Variants in IFT81 observed in about 807,000 individuals in gnomAD.
The protein encoded by IFT81 is intraflagellar transport 81.
Under a neutral mutation model 102.6 loss-of-function variants are expected in IFT81, and 72 were observed. The ratio of observed to expected loss-of-function variants is 0.70; its 90% CI spans 0.58 to 0.85. IFT81 has a LOEUF of 0.85. Among genes scored for constraint, IFT81 ranks in the 40% least tolerant of loss-of-function variants. IFT81 has a pLI of 0.00. For synonymous variants in IFT81, 237 were observed against 242.7 expected, an observed-to-expected ratio of 0.98 and a Z score of 0.22; for missense variants, 723 against 787.3, an observed-to-expected ratio of 0.92 and a Z score of 0.98.
intron 14 of IFT81, among the ~76,000 whole-genome samples, chr12:110,198,823 T>C (rs1472556782): frequency 6.6e-6 from 1 of 151,856 alleles, no homozygotes; most frequent in Non-Finnish European, 1.5e-5. Flanking sequence ...TTTTTTTTTT[T>C]TTCTTGAGAC....
intron 11 of IFT81, among the ~76,000 whole-genome samples, chr12:110,179,727 TATATATATATATATATATATA>T (rs1404081180): frequency 2.5e-3 from 23 of 9,176 alleles, no homozygotes; most frequent in African/African-American, 0.015. Context: ...CTCGAAATTA[TATATATATATATATATATATA>T]TATATATATA....
intron 8 of IFT81, among the ~76,000 whole-genome samples, chr12:110,139,818 T>TAAATAAAATAAAATA (rs749031924): frequency 0.013 from 1,405 of 105,380 alleles, 33 homozygotes; most frequent in African/African-American, 0.048. Context: ...TAAAATAAAA[T>TAAATAAAATAAAATA]AAATAAAATA....
At chr12:110,130,439 G>T (rs761231344) in intron 4 of IFT81, among the ~76,000 whole-genome samples, 1 of 149,286 alleles carries the variant, frequency 6.7e-6, no homozygotes, top group Non-Finnish European at 1.5e-5. Flanking sequence ...GTGCAATCTC[G>T]GCTCACTGCA....
intron 10 of IFT81, among the ~76,000 whole-genome samples, chr12:110,154,553 G>C (rs1895730596): frequency 6.6e-6 from 1 of 150,760 alleles, no homozygotes; most frequent in Non-Finnish European, 1.5e-5. Flanking sequence ...ATTGAACCCG[G>C]GAGGTAGAGG....
At chr12:110,125,024 G>T (rs949741749) in intron 1 of IFT81, among the ~76,000 whole-genome samples, 163 bp downstream of exon 1, 2 of 152,154 alleles carry the variant, frequency 1.3e-5, no homozygotes, top group Non-Finnish European at 2.9e-5. Context: ...TGGGCGACTT[G>T]GGGGGAACCC....
At chr12:110,195,859 T>G (rs1184683486) in intron 14 of IFT81, among the ~76,000 whole-genome samples, 1 of 152,232 alleles carries the variant, frequency 6.6e-6, no homozygotes, top group African/African-American at 2.4e-5. Flanking sequence ...AGATCATGCT[T>G]TCTTTCCTTG....
intron 5 of IFT81, among the ~76,000 whole-genome samples, chr12:110,134,320 C>T (rs1894356619): frequency 6.6e-6 from 1 of 152,106 alleles, no homozygotes; most frequent in Non-Finnish European, 1.5e-5. Flanking sequence ...GTATATTTTA[C>T]CTTTACTATT....
intron 18 of IFT81, among the ~76,000 whole-genome samples, chr12:110,210,737 A>G (rs1414708772): frequency 6.6e-6 from 1 of 151,664 alleles, no homozygotes; most frequent in Non-Finnish European, 1.5e-5. Flanking sequence ...AGTGAAAAAA[A>G]AAAGTTTCCT....
At position 110,174,292 on chromosome 12, in the gene IFT81, A is replaced by T. The variant is rs953616353; in HGVS notation, c.1189-6130A>T. On this transcript the variant is annotated intron_variant, in intron 11 of 18. Transcript: ENST00000242591. The stretch of plus-strand genomic sequence containing the variant: ...GACTCCGTCTCAAAAAAAAAAAAAA[A>T]AAAAAAAAAAAAAAATTAGCCGGGT... 2.6e-3 allele frequency among the ~76,000 whole-genome samples: 384 copies of T among 148,188 alleles called. 1 individual carries two copies. Among genetic ancestry groups the T allele is most frequent in the Middle Eastern group, 6.8e-3 (2 of 294 alleles).
At chr12:110,181,164 G>A (rs1897304096) in intron 12 of IFT81, among the ~76,000 whole-genome samples, 1 of 152,192 alleles carries the variant, frequency 6.6e-6, no homozygotes, top group South Asian at 2.1e-4. Flanking sequence ...GCAATAATCT[G>A]GTAGAAGTAA....
chr12:110,196,321 C>A (rs1270410367), intron 14 of IFT81, among the ~76,000 whole-genome samples: 1 of 152,116 alleles, frequency 6.6e-6, no homozygotes, highest in Non-Finnish European at 1.5e-5. Flanking sequence ...GAGTTCGAGA[C>A]TAGCCTGGCC....
At chr12:110,171,889 C>G (rs940985411) in intron 11 of IFT81, 1 of 152,182 alleles carries the variant, frequency 6.6e-6, no homozygotes, top group African/African-American at 2.4e-5. Flanking sequence ...CACTCCTAAA[C>G]AGTTGGTTCT....
At chr12:110,130,905 T>G (rs1008355287) in intron 4 of IFT81, among the ~76,000 whole-genome samples, 4 of 152,132 alleles carry the variant, frequency 2.6e-5, no homozygotes, top group Non-Finnish European at 5.9e-5. Context: ...TATTATCTTT[T>G]GGAATGAAGG....
At chr12:110,153,644 C>T (rs1466788017) in intron 10 of IFT81, among the ~76,000 whole-genome samples, 2 of 146,162 alleles carry the variant, frequency 1.4e-5, no homozygotes, top group East Asian at 4.2e-4. Flanking sequence ...AAGTTTCGCT[C>T]TTGTTACCCA....
At chr12:110,203,320 A>G (rs557717488) in intron 14 of IFT81, 1 of 154,180 alleles carries the variant, frequency 6.5e-6, no homozygotes, top group East Asian at 1.9e-4. Context: ...ACTACTTATA[A>G]GTTTCTTAAT....
intron 11 of IFT81, chr12:110,172,097 T>G (rs960565270): frequency 1.3e-5 from 2 of 152,228 alleles, no homozygotes; most frequent in African/African-American, 4.8e-5. Context: ...GTAAGTAGTA[T>G]TAATTTCTCT....
At chr12:110,201,053 G>C (rs1187737121) in intron 14 of IFT81, among the ~76,000 whole-genome samples, 1 of 151,932 alleles carries the variant, frequency 6.6e-6, no homozygotes, top group Admixed American at 6.6e-5. Context: ...TTGTATAGTG[G>C]TATGAAAATA....
chr12:110,190,599 A>G (rs1219615039), intron 12 of IFT81, among the ~76,000 whole-genome samples: 1 of 152,186 alleles, frequency 6.6e-6, no homozygotes, highest in Non-Finnish European at 1.5e-5. Flanking sequence ...ATGAGTGAAC[A>G]TATCATTTGA....
chr12:110,165,951 T>A (rs1464600466), intron 11 of IFT81, among the ~76,000 whole-genome samples: 1 of 152,234 alleles, frequency 6.6e-6, no homozygotes, highest in Non-Finnish European at 1.5e-5. Context: ...TAACTATGTG[T>A]GTCAGAGGCA....
Sources: allele counts gnomAD v4.1 joint callset (sites outside exome capture counted in the v4.1 genomes callset), GRCh38; gene constraint gnomAD v4.1.1; transcripts MANE v1.5; gene names NCBI Gene and HGNC (gene_info 2026-07-23, HGNC 2026-07-21).